The following CTNNA2 variants were observed in gnomAD, a reference collection of about 807,000 sequenced individuals.
The protein encoded by CTNNA2 is catenin alpha 2.
CTNNA2 carries 42 observed loss-of-function variants against 101.0 expected under a neutral mutation model. That is an observed-to-expected ratio of 0.42 (90% CI 0.32 to 0.54). The LOEUF is 0.54. Ranked by LOEUF, CTNNA2 falls within the 20% of genes least tolerant of loss-of-function variation. CTNNA2 has a pLI of 0.14. For synonymous variants in CTNNA2, 450 were observed against 456.4 expected, an observed-to-expected ratio of 0.99 and a Z score of 0.18; for missense variants, 871 against 1,223.1, an observed-to-expected ratio of 0.71 and a Z score of 4.29.
intron 2 of CTNNA2, among the ~76,000 whole-genome samples, chr2:79,278,230 A>T (rs1558597709): frequency 6.6e-6 from 1 of 152,138 alleles, no homozygotes; most frequent in Non-Finnish European, 1.5e-5. Flanking sequence ...AAGAATGAGG[A>T]TCAAAATGGG....
chr2:79,421,433 A>T lies in CTNNA2; in HGVS notation c.-135+47420A>T, dbSNP rs1057504826. Among the ~76,000 whole-genome samples the T allele has an allele frequency of 3.9e-5, 6 of 152,198 alleles. No individual in the cohort carries two copies. The South Asian group carries it at 1.2e-3, about 31-fold the overall frequency. On this transcript the variant is annotated intron_variant, in intron 4 of 21. Coordinates refer to the CTNNA2 transcript ENST00000466387. ...AAAGGGCTAGTAAAAAATACCATTC[A>T]TATCCTCCTGTGATAATTACTGGAC...
chr2:80,638,749 AATG>A (rs1673133201), intron 18 of CTNNA2, among the ~76,000 whole-genome samples: 1 of 152,234 alleles, frequency 6.6e-6, no homozygotes, highest in Admixed American at 6.5e-5. Context: ...AAAAAATGCA[AATG>A]AAGACAGTTA....
At chr2:79,330,724 G>A (rs907883590) in intron 3 of CTNNA2, among the ~76,000 whole-genome samples, 1 of 152,142 alleles carries the variant, frequency 6.6e-6, no homozygotes, top group African/African-American at 2.4e-5. Flanking sequence ...GTCTTATAAA[G>A]GGGAGTTCCC....
chr2:79,574,996 G>A (rs1675698279), intron 1 of CTNNA2, among the ~76,000 whole-genome samples: 1 of 152,088 alleles, frequency 6.6e-6, no homozygotes, highest in Non-Finnish European at 1.5e-5. Flanking sequence ...TATGCTTGTT[G>A]GTTTCGTGTA....
chr2:79,962,268 C>A (rs1689692637), intron 7 of CTNNA2, among the ~76,000 whole-genome samples: 1 of 152,232 alleles, frequency 6.6e-6, no homozygotes, highest in African/African-American at 2.4e-5. Flanking sequence ...ATGGCCTGTT[C>A]CTCATAGATA....
chr2:79,766,037 T>C (rs956743243), intron 3 of CTNNA2, among the ~76,000 whole-genome samples: 2 of 152,234 alleles, frequency 1.3e-5, no homozygotes, highest in Non-Finnish European at 2.9e-5. Context: ...GTTTAGTCTT[T>C]CTACTTAGGA....
At chr2:80,441,737 T>TG (rs1682602604) in intron 9 of CTNNA2, among the ~76,000 whole-genome samples, 1 of 152,092 alleles carries the variant, frequency 6.6e-6, no homozygotes, top group African/African-American at 2.4e-5. Context: ...GGAGACAGAA[T>TG]GGGGAGGCCA....
At chr2:79,535,328 C>A (rs561342334) in intron 1 of CTNNA2, among the ~76,000 whole-genome samples, 9 of 151,960 alleles carry the variant, frequency 5.9e-5, no homozygotes, top group Admixed American at 1.3e-4. Flanking sequence ...CCTCAGCCTC[C>A]GGAGTAGCTG....
chr2:79,444,282 A>G (rs1377279852), intron 4 of CTNNA2, among the ~76,000 whole-genome samples: 1 of 152,156 alleles, frequency 6.6e-6, no homozygotes, highest in Admixed American at 6.6e-5. Context: ...GTGTATATAA[A>G]TAGTATGATA....
At chr2:79,632,855 T>A (rs897655609) in intron 1 of CTNNA2, among the ~76,000 whole-genome samples, 16 of 152,186 alleles carry the variant, frequency 1.1e-4, no homozygotes, top group Non-Finnish European at 1.9e-4. Flanking sequence ...ATAATAAATA[T>A]TTCATATGTG....
chr2:79,800,260 T>C (rs1283940908), intron 3 of CTNNA2, among the ~76,000 whole-genome samples: 1 of 145,906 alleles, frequency 6.9e-6, no homozygotes, highest in Non-Finnish European at 1.5e-5. Context: ...GAAGCTCGCA[T>C]GTTATATTAT....
intron 8 of CTNNA2, among the ~76,000 whole-genome samples, chr2:80,395,112 A>T (rs981944399): frequency 7.2e-5 from 11 of 152,108 alleles, no homozygotes; most frequent in Non-Finnish European, 2.9e-5. Flanking sequence ...GAAAGGGTTG[A>T]CTCTTTTTAG....
chr2:79,728,376 T>C (rs1344245565), intron 2 of CTNNA2, among the ~76,000 whole-genome samples: 2 of 152,244 alleles, frequency 1.3e-5, no homozygotes, highest in African/African-American at 4.8e-5. Context: ...ATAAATGTCT[T>C]GTTTTGAGAA....
chr2:80,298,048 T>TAC (rs1256473243), intron 7 of CTNNA2: 3 of 150,962 alleles, frequency 2.0e-5, no homozygotes, highest in African/African-American at 7.3e-5. Context: ...TATATATATA[T>TAC]ATACACACAC....
intron 3 of CTNNA2, among the ~76,000 whole-genome samples, chr2:79,746,865 A>C (rs1253229550): frequency 6.6e-6 from 1 of 152,202 alleles, no homozygotes; most frequent in Non-Finnish European, 1.5e-5. Flanking sequence ...GCCATACTAT[A>C]AATTAATAAA....
chr2:80,296,070 A>C (rs1175079107), intron 7 of CTNNA2, among the ~76,000 whole-genome samples: 1 of 152,024 alleles, frequency 6.6e-6, no homozygotes, highest in Non-Finnish European at 1.5e-5. Context: ...TTTTACGATT[A>C]TTGCGGGTAC....
At chr2:79,466,813 G>T (rs555064176) in intron 4 of CTNNA2, among the ~76,000 whole-genome samples, 1 of 152,302 alleles carries the variant, frequency 6.6e-6, no homozygotes, top group South Asian at 2.1e-4. Flanking sequence ...TGCAGCTGAG[G>T]GTCCTGACTA....
intron 2 of CTNNA2, among the ~76,000 whole-genome samples, chr2:79,652,370 A>C (rs1681322162): frequency 6.6e-6 from 1 of 152,078 alleles, no homozygotes; most frequent in African/African-American, 2.4e-5. Flanking sequence ...TATCCTAGTC[A>C]AGGTATTGGT....
At chr2:80,043,089 TTCTTTCTCTCTCTCTC>T (rs1696235081) in intron 7 of CTNNA2, among the ~76,000 whole-genome samples, 2 of 31,486 alleles carry the variant, frequency 6.4e-5, no homozygotes, top group African/African-American at 3.0e-4. Context: ...CTTTCTTTCT[TTCTTTCTCTCTCTCTC>T]TCTCTCTTTC....
Sources: gnomAD v4.1 joint callset for allele counts (sites outside exome capture counted in the v4.1 genomes callset) on GRCh38, gnomAD v4.1.1 for gene constraint, MANE v1.5 for transcripts, NCBI Gene and HGNC (gene_info 2026-07-23, HGNC 2026-07-21) for gene names.